The following ERBB4 variants were observed in gnomAD, a reference collection of about 807,000 sequenced individuals.
ERBB4 encodes erb-b2 receptor tyrosine kinase 4, also known as receptor tyrosine-protein kinase erbB-4.
Under a neutral mutation model 158.0 loss-of-function variants are expected in ERBB4, and 42 were observed. The observed-to-expected ratio is 0.27, with a 90% confidence interval of 0.21 to 0.34. The LOEUF (loss-of-function observed/expected upper bound fraction) is 0.34. Ranked by LOEUF, ERBB4 falls within the 10% of genes least tolerant of loss-of-function variation. The pLI, the probability that ERBB4 is intolerant of heterozygous loss-of-function variation, is 1.00. For synonymous variants in ERBB4, 583 were observed against 558.7 expected (o/e 1.04, Z -0.61); for missense variants, 1,333 against 1,624.1 (o/e 0.82, Z 3.08).
At chr2:212,048,306 C>T (rs2077310001) in intron 2 of ERBB4, among the ~76,000 whole-genome samples, 1 of 152,098 alleles carries the variant, frequency 6.6e-6, no homozygotes, top group South Asian at 2.1e-4. Flanking sequence ...AGTGATGACA[C>T]TGTGTAATTG....
At chr2:211,495,107 A>C (rs1386119477) in intron 20 of ERBB4, among the ~76,000 whole-genome samples, 1 of 152,118 alleles carries the variant, frequency 6.6e-6, no homozygotes, top group African/African-American at 2.4e-5. Flanking sequence ...AAAGTAGCAA[A>C]AAAAAGTATA....
intron 1 of ERBB4, among the ~76,000 whole-genome samples, chr2:212,331,060 A>ATATATATATATATATATATATATACACG (rs2088129907): frequency 8.2e-6 from 1 of 121,652 alleles, no homozygotes; most frequent in Non-Finnish European, 1.8e-5. Context: ...TGTAATTTGT[A>ATATATATATATATATATATATATACACG]TATATATATA....
At chr2:211,846,100 G>T (rs1157384932) in intron 3 of ERBB4, among the ~76,000 whole-genome samples, 1 of 145,428 alleles carries the variant, frequency 6.9e-6, no homozygotes. Context: ...GTCCACTCTA[G>T]GAAAAAAAAA....
At chr2:212,341,373 G>C (rs1031687374) in intron 1 of ERBB4, among the ~76,000 whole-genome samples, 1 of 151,106 alleles carries the variant, frequency 6.6e-6, no homozygotes, top group Admixed American at 6.6e-5. Context: ...ATTTTTTTTT[G>C]TAAGTTATAT....
In ERBB4 at chr2:212,032,441, CTGAT is replaced by C. The variant is rs569635297; in HGVS notation, c.235-84829_235-84826del. ...ATGAAAATGCCACATATGCATTCTG[CTGAT>C]TATTTTTAAAAAGCCACAAAAATGC... On this transcript the variant is annotated intron_variant, in intron 2 of 27. Transcript: ENST00000342788. 2.2e-4 allele frequency among the ~76,000 whole-genome samples: 33 copies of C among 152,088 alleles called. 1 individual carries two copies. The South Asian group carries it at 6.4e-3, about 30-fold the overall frequency.
chr2:211,714,784 G>C (rs1414276555), intron 7 of ERBB4, among the ~76,000 whole-genome samples: 1 of 152,162 alleles, frequency 6.6e-6, no homozygotes, highest in African/African-American at 2.4e-5. Context: ...ATCATGTTGG[G>C]CAGGTCCAAG....
intron 2 of ERBB4, among the ~76,000 whole-genome samples, chr2:211,983,633 C>T (rs2081862521): frequency 6.6e-6 from 1 of 152,094 alleles, no homozygotes; most frequent in South Asian, 2.1e-4. Flanking sequence ...GTGACTGATT[C>T]CACAGCATGT....
chr2:212,080,934 C>T (rs1016872916), intron 2 of ERBB4, among the ~76,000 whole-genome samples: 5 of 152,126 alleles, frequency 3.3e-5, no homozygotes, highest in African/African-American at 7.2e-5. Context: ...TTTGATAGGT[C>T]ACTTAAAGGT....
chr2:211,966,879 G>A (rs1169167590), intron 2 of ERBB4, among the ~76,000 whole-genome samples: 1 of 152,056 alleles, frequency 6.6e-6, no homozygotes, highest in Admixed American at 6.6e-5. Context: ...TACCCAAGTT[G>A]TGTATAATTT....
At chr2:211,949,573 T>C (rs536868133) in intron 2 of ERBB4, among the ~76,000 whole-genome samples, 2 of 152,304 alleles carry the variant, frequency 1.3e-5, no homozygotes, top group Admixed American at 6.5e-5. Flanking sequence ...TGGCAAAACA[T>C]TTTCAATTAC....
intron 1 of ERBB4, among the ~76,000 whole-genome samples, chr2:212,413,613 A>G (rs1426033657): frequency 6.6e-6 from 1 of 152,136 alleles, no homozygotes; most frequent in Non-Finnish European, 1.5e-5. Flanking sequence ...CAGTAATTTC[A>G]AAACTAGTAA....
At chr2:211,627,963 A>C in intron 17 of ERBB4, among the ~76,000 whole-genome samples, 1 of 152,178 alleles carries the variant, frequency 6.6e-6, no homozygotes. Flanking sequence ...GCATCCCATA[A>C]ATTGTGTAGT....
At chr2:211,786,758 A>C (rs1404129302) in intron 4 of ERBB4, among the ~76,000 whole-genome samples, 2 of 152,120 alleles carry the variant, frequency 1.3e-5, no homozygotes, top group African/African-American at 4.8e-5. Context: ...TACCCAACCA[A>C]TATCCACACC....
At chr2:211,966,960 T>C (rs2081326216) in intron 2 of ERBB4, among the ~76,000 whole-genome samples, 1 of 152,162 alleles carries the variant, frequency 6.6e-6, no homozygotes, top group Admixed American at 6.6e-5. Flanking sequence ...AATGGCAATG[T>C]CCTCTACAGT....
chr2:212,168,045 T>C (rs1240698646), intron 1 of ERBB4, among the ~76,000 whole-genome samples: 1 of 143,910 alleles, frequency 6.9e-6, no homozygotes, highest in Non-Finnish European at 1.5e-5. Context: ...TCTGCATATG[T>C]ATCCAGGAAC....
chr2:211,392,677 T>C (rs1356313767), intron 25 of ERBB4, among the ~76,000 whole-genome samples: 1 of 151,960 alleles, frequency 6.6e-6, no homozygotes, highest in East Asian at 1.9e-4. Flanking sequence ...TGTTTGTTTG[T>C]TTGTTTTTCG....
At chr2:212,026,332 T>C (rs1031598061) in intron 2 of ERBB4, among the ~76,000 whole-genome samples, 11 of 151,716 alleles carry the variant, frequency 7.3e-5, no homozygotes, top group South Asian at 2.1e-4. Context: ...AAATTGAACA[T>C]TGTCTTGATA....
At chr2:211,999,683 T>C (rs964815591) in intron 2 of ERBB4, among the ~76,000 whole-genome samples, 1 of 151,802 alleles carries the variant, frequency 6.6e-6, no homozygotes, top group African/African-American at 2.4e-5. Context: ...ACTAAATTAA[T>C]TGTAGCTACA....
rs962286313 is a variant in ERBB4 at position 211,379,947 on chromosome 2, T to C, written c.*3668A>G. 4 of 232,002 alleles carry C rather than the reference T, an allele frequency of 1.7e-5. No homozygotes were observed. The highest frequency in any genetic ancestry group is 2.6e-5 in the Non-Finnish European group (3 of 117,378). 14.4% of individuals were successfully genotyped at this position (232,002 alleles called of 1,614,324 possible). A position where few individuals can be genotyped will look rare whatever the true frequency, so the allele number is the denominator to read the frequency against. On this transcript the variant is annotated 3_prime_UTR_variant, in exon 28 of 28. Coordinates refer to ENST00000342788, the MANE Select transcript of ERBB4 (RefSeq NM_005235.3). ...GTAGCAGAGCCTCACACAGTCCTTT[T>C]CTTGATTTTTCCTTAGCATTGTAAG...
Sources: allele counts gnomAD v4.1 joint callset (sites outside exome capture counted in the v4.1 genomes callset), GRCh38; gene constraint gnomAD v4.1.1; transcripts MANE v1.5; gene names NCBI Gene and HGNC (gene_info 2026-07-23, HGNC 2026-07-21).